Variants in ZNF561 observed in about 807,000 individuals in gnomAD.
ZNF561 encodes zinc finger protein 561.
Under a neutral mutation model 16.7 loss-of-function variants are expected in ZNF561, and 16 were observed. That is an observed-to-expected ratio of 0.96 (90% CI 0.65 to 1.45). The LOEUF (loss-of-function observed/expected upper bound fraction) is 1.45, where lower values mean the gene tolerates loss of function less well. ZNF561 is among the 40% of genes most tolerant of loss of function. ZNF561 has a pLI of 0.00. For synonymous variants in ZNF561, 190 were observed against 192.1 expected, an observed-to-expected ratio of 0.99 and a Z score of 0.09; for missense variants, 580 against 578.0, an observed-to-expected ratio of 1.00 and a Z score of -0.04.
At chr19:9,618,303 C>T (rs919087611) in intron 2 of ZNF561, 124 bp from the exon 3 acceptor site, 10 of 938,020 alleles carry the variant, frequency 1.1e-5, no homozygotes, top group African/African-American at 1.7e-5. Flanking sequence ...GAGAAAACTA[C>T]ACACACAACA....
rs985030412 is a variant in ZNF561 at position 9,608,077 on chromosome 19, T to C, written c.*2123A>G. 1 of 152,136 alleles carries C rather than the reference T, an allele frequency of 6.6e-6. No individual in the cohort carries two copies. The highest frequency in any genetic ancestry group is 1.5e-5 in the Non-Finnish European group (1 of 68,086). The allele number at this position is 152,136 out of a possible 1,614,324, so 9.4% of individuals were successfully genotyped here. ...TAGTAGAGACAGGGTTTCACCGTGT[T>C]AACTAGGACAGTCTCGATCTCCTGA... On this transcript the variant is annotated 3_prime_UTR_variant, in exon 6 of 6. Transcript: ENST00000302851.
At chr19:9,611,778 C>T (rs987770279) in intron 5 of ZNF561, among the ~76,000 whole-genome samples, 3 of 152,048 alleles carry the variant, frequency 2.0e-5, no homozygotes, top group Non-Finnish European at 4.4e-5. Flanking sequence ...GGTTTTGCTC[C>T]ATTGCCTGGA....
rs1210248689 is a variant in ZNF561, at chr19:9,610,346, G to C, written c.1315C>G (p.His439Asp). 6.2e-7 allele frequency: 1 copy of C among 1,614,080 alleles called. No individual in the cohort carries two copies. Among genetic ancestry groups the C allele is most frequent in the Non-Finnish European group, 8.5e-7 (1 of 1,180,036 alleles). Residue 439 changes from histidine (H) to aspartate (D), a missense_variant, in exon 6 of 6, where the codon CAC (histidine) becomes GAC (aspartate). By Grantham distance (81) the His-to-Asp change is moderately conservative. Coordinates refer to ENST00000302851, the MANE Select transcript of ZNF561 (RefSeq NM_152289.3). ...TTCTCTCCGGTATGAGTTCGCAGGTGAACATTAAGGCGTGAGGAATATAGA... is the reference window on the plus strand; with the variant it reads ...TTCTCTCCGGTATGAGTTCGCAGGTCAACATTAAGGCGTGAGGAATATAGA... Reference protein sequence around the residue: ...AFLYSSRLNVHLRTHTGEKPF... With the variant: ...AFLYSSRLNVDLRTHTGEKPF...
In ZNF561 at chr19:9,607,835, C is replaced by T. The variant is rs533412808; in HGVS notation, c.*2365G>A. The T allele has an allele frequency of 6.6e-6, 1 of 152,232 alleles. No homozygotes were observed. The highest frequency in any genetic ancestry group is 1.9e-4 in the East Asian group (1 of 5,178). The allele number at this position is 152,232 out of a possible 1,614,324, so 9.4% of individuals were successfully genotyped here. ...AACCCTGAAAATTCATATGTTGAAG[C>T]TCCAAATCCCAATGTGACTGTATGT... On this transcript the variant is annotated 3_prime_UTR_variant, in exon 6 of 6. Coordinates refer to ENST00000302851, the MANE Select transcript of ZNF561 (RefSeq NM_152289.3).
In ZNF561 at chr19:9,617,179, A is replaced by G. The variant is rs2074570923; in HGVS notation, c.115-8T>C. On this transcript the variant is annotated splice_region_variant and splice_polypyrimidine_tract_variant and intron_variant, in intron 3 of 5. Transcript: ENST00000302851. ...ATCAAACGTCACTGAATCCTATGTC[A>G]TCATACACATGCTGGTTTGAGCCAA... 3.7e-6 allele frequency: 6 copies of G among 1,610,848 alleles called. No homozygotes were observed. Among genetic ancestry groups the G allele is most frequent in the Non-Finnish European group, 5.1e-6 (6 of 1,178,106 alleles).
At chr19:9,616,292 T>C (rs75239891) in intron 4 of ZNF561, among the ~76,000 whole-genome samples, 10 of 151,218 alleles carry the variant, frequency 6.6e-5, no homozygotes, top group Non-Finnish European at 1.0e-4. Context: ...TTTTAATGTA[T>C]TTTTTTTTAG....
rs2074387416 is a variant in ZNF561, at chr19:9,608,357, T to G, written c.*1843A>C. 6.6e-6 allele frequency: 1 copy of G among 151,978 alleles called. No homozygotes were observed. The allele number at this position is 151,978 out of a possible 1,614,324, so 9.4% of individuals were successfully genotyped here. A position where few individuals can be genotyped will look rare whatever the true frequency, so the allele number is the denominator to read the frequency against. Reference sequence around the variant, plus strand: ...TCCTTCCTGTGAAGACATGAGGAAGTGGGCATTTACATACCAGGAAGAGAG... The same window carrying G: ...TCCTTCCTGTGAAGACATGAGGAAGGGGGCATTTACATACCAGGAAGAGAG... On this transcript the variant is annotated 3_prime_UTR_variant, in exon 6 of 6. Transcript: ENST00000302851.
At chr19:9,614,127 C>A (rs749694475) in intron 4 of ZNF561, 24 bp from the exon 5 acceptor site, 2 of 1,611,114 alleles carry the variant, frequency 1.2e-6, no homozygotes, top group African/African-American at 1.3e-5. Flanking sequence ...GAAAAAGAAA[C>A]GTAAGGATTT....
chr19:9,619,875 ATC>A (rs147031257), intron 1 of ZNF561, among the ~76,000 whole-genome samples: 475 of 5,464 alleles, frequency 0.087, 1 homozygote, highest in Admixed American at 0.34. Flanking sequence ...ATCTATCTAT[ATC>A]TATCTATCTA....
In ZNF561 at chr19:9,610,773, A is replaced by G; in HGVS notation, c.888T>C (p.Leu296=). The G allele has an allele frequency of 1.2e-6, 2 of 1,614,170 alleles. No individual in the cohort carries two copies. The highest frequency in any genetic ancestry group is 1.7e-6 in the Non-Finnish European group (2 of 1,180,026). The change falls in exon 6 of 6, where the codon CTT becomes CTC. Residue 296 remains leucine (L), a synonymous_variant. Coordinates refer to ENST00000302851, the MANE Select transcript of ZNF561 (RefSeq NM_152289.3). ...CGRSFRNSSC[L]NDHIQIHTGI... ...CAGTGTGAATTTGAATGTGATCATT[A>G]AGGCATGAGGAATTTCTAAAGGATC...
chr19:9,613,996 A>G, intron 5 of ZNF561, 25 bp downstream of exon 5: 1 of 1,607,414 alleles, frequency 6.2e-7, no homozygotes. Context: ...AGAGGAAATT[A>G]AGAAATATCC....
Position 9,611,227 on chromosome 19 carries a change from G to A in ZNF561, c.434C>T (p.Thr145Ile), listed in dbSNP as rs775541105. 3 of 1,613,910 alleles carry A rather than the reference G, an allele frequency of 1.9e-6. No individual in the cohort carries two copies. In the Admixed American group the frequency reaches 5.0e-5, roughly 27 times the overall value. Reference protein sequence around the residue: ...THMRVQNGGNTSEGNCYGKDT... With the variant: ...THMRVQNGGNISEGNCYGKDT... ...TTTTCCATAACAATTACCCTCAGAA[G>A]TATTCCCTCCATTCTGAACTCTCAT... The change falls in exon 6 of 6, where the codon ACT becomes ATT. Residue 145 changes from threonine to isoleucine, a missense_variant. Thr to Ile is a moderately conservative substitution (Grantham distance 89, BLOSUM62 -1). Coordinates refer to ENST00000302851, the MANE Select transcript of ZNF561 (RefSeq NM_152289.3).
chr19:9,610,849 G>C lies in ZNF561; in HGVS notation c.812C>G (p.Pro271Arg). Residue 271 changes from proline to arginine, a missense_variant, in exon 6 of 6, where the codon CCT (proline) becomes CGT (arginine). Pro to Arg is a moderately radical substitution (Grantham distance 103). Coordinates refer to ENST00000302851, the MANE Select transcript of ZNF561 (RefSeq NM_152289.3). ...SFTNFSQLYA[P>R]VKTHKGEKSF... The stretch of plus-strand genomic sequence containing the variant: ...CTTCTCTCCTTTATGAGTTTTCACA[G>C]GTGCATAAAGTTGAGAAAAATTAGT... 1 of 1,614,054 alleles carries C rather than the reference G, an allele frequency of 6.2e-7. No homozygotes were observed. Among genetic ancestry groups the C allele is most frequent in the Non-Finnish European group, 8.5e-7 (1 of 1,180,012 alleles).
intron 3 of ZNF561, chr19:9,617,646 A>G (rs1272962664): frequency 2.2e-6 from 1 of 456,886 alleles, no homozygotes; most frequent in African/African-American, 2.0e-5. Flanking sequence ...AGCTGGAATT[A>G]CAGGCATGAG....
At position 9,611,254 on chromosome 19, in the gene ZNF561, T is replaced by C. The variant is rs2074451786; in HGVS notation, c.407A>G (p.His136Arg). 2 of 1,614,030 alleles carry C rather than the reference T, an allele frequency of 1.2e-6. No homozygotes were observed. The highest frequency in any genetic ancestry group is 1.7e-6 in the Non-Finnish European group (2 of 1,179,912). Reference protein sequence around the residue: ...VFREQFCLKTHMRVQNGGNTS... With the variant: ...VFREQFCLKTRMRVQNGGNTS... ...ATTCCCTCCATTCTGAACTCTCATG[T>C]GTGTCTTAAGGCAAAACTGTTCCCT... The change falls in exon 6 of 6, where the codon CAC becomes CGC. Residue 136 changes from histidine (H) to arginine (R), a missense_variant. Physicochemically the swap from His to Arg is conservative, Grantham distance 29 (BLOSUM62 0). Transcript: ENST00000302851.
chr19:9,619,916 T>TC lies in ZNF561; in HGVS notation c.-126-335dup, dbSNP rs1451484205. On this transcript the variant is annotated intron_variant, in intron 1 of 5. Transcript: ENST00000302851. ...ATCTATCTATATCTATCTATCTATA[T>TC]CTATCCTATCTATCTATCTATCTAT... is the stretch of plus-strand genomic sequence containing the variant. 1.3e-4 allele frequency among the ~76,000 whole-genome samples: 16 copies of TC among 121,430 alleles called. 1 individual carries two copies. The highest frequency in any genetic ancestry group is 5.3e-4 in the African/African-American group (15 of 28,232). The allele number at this position is 121,430 out of a possible 152,430, so 79.7% of individuals were successfully genotyped here.
At chr19:9,614,914 A>G (rs1346503579) in intron 4 of ZNF561, among the ~76,000 whole-genome samples, 1 of 151,744 alleles carries the variant, frequency 6.6e-6, no homozygotes, top group Non-Finnish European at 1.5e-5. Context: ...TGTTGGCTCA[A>G]TGCAACCTCT....
chr19:9,614,735 T>C (rs925207503), intron 4 of ZNF561, among the ~76,000 whole-genome samples: 1 of 152,170 alleles, frequency 6.6e-6, no homozygotes, highest in African/African-American at 2.4e-5. Flanking sequence ...GTAGTTTTAT[T>C]AGATCATAGG....
rs570273343 is a variant in ZNF561 at position 9,610,458 on chromosome 19, G to A, written c.1203C>T (p.Thr401=). ...KPYECVECGK[T]FITSSRRSKH... Reference sequence around the variant, plus strand: ...TACTACGACGGGAAGAAGTAATGAAGGTCTTCCCACATTCAACACATTCAT... The same window carrying A: ...TACTACGACGGGAAGAAGTAATGAAAGTCTTCCCACATTCAACACATTCAT... The change falls in exon 6 of 6, where the codon ACC becomes ACT. Residue 401 remains threonine (T), a synonymous_variant. Coordinates refer to ENST00000302851, the MANE Select transcript of ZNF561 (RefSeq NM_152289.3). 1.1e-5 allele frequency: 17 copies of A among 1,612,004 alleles called. No homozygotes were observed. The East Asian group carries it at 2.7e-4, about 25-fold the overall frequency.
Sources: allele counts gnomAD v4.1 joint callset (sites outside exome capture counted in the v4.1 genomes callset), GRCh38; gene constraint gnomAD v4.1.1; transcripts MANE v1.5; gene names NCBI Gene and HGNC (gene_info 2026-07-23, HGNC 2026-07-21).